SELENOI: variants seen among roughly 807,000 people sequenced by gnomAD.
SELENOI encodes the protein ethanolaminephosphotransferase 1.
In SELENOI, 24 loss-of-function variants were observed where a neutral mutation model predicts 50.7. The observed-to-expected ratio is 0.47, with a 90% confidence interval of 0.34 to 0.67. The LOEUF is 0.67. SELENOI is among the 30% of genes least tolerant of loss of function. SELENOI has a pLI of 0.01. For missense variants in SELENOI, 352 were observed against 461.4 expected (o/e 0.76, Z 2.17); for synonymous variants, 155 against 170.2 (o/e 0.91, Z 0.70).
rs77545588 is a variant in SELENOI, at chr2:26,381,445, C to T, written c.683-1854C>T. Among the ~76,000 whole-genome samples, 785 of 151,992 alleles carry T rather than the reference C, an allele frequency of 5.2e-3. 28 individuals are homozygous for T. In the South Asian group the frequency reaches 0.08, roughly 15 times the overall value. ...TATAAAGAAGAAACAGAAGATGCAG[C>T]GTTTCTCTTTGGCAGCCTGTATAGA... On this transcript the variant is annotated intron_variant, in intron 6 of 9. Transcript: ENST00000260585.
At chr2:26,374,972 A>G in intron 5 of SELENOI, 68 bp from the exon 6 acceptor site, 1 of 1,066,542 alleles carries the variant, frequency 9.4e-7, no homozygotes, top group Non-Finnish European at 1.4e-6. Context: ...TGCTGCATAA[A>G]GCATGGTGAC....
chr2:26,385,672 A>C (rs1558422617), intron 8 of SELENOI, among the ~76,000 whole-genome samples: 1 of 152,226 alleles, frequency 6.6e-6, no homozygotes, highest in Non-Finnish European at 1.5e-5. Flanking sequence ...AGTTGAGAAA[A>C]GACTCTGATA....
At chr2:26,358,685 T>C (rs916404968) in intron 1 of SELENOI, among the ~76,000 whole-genome samples, 9 of 152,266 alleles carry the variant, frequency 5.9e-5, no homozygotes, top group South Asian at 2.1e-4. Context: ...TCAGAAGAAA[T>C]CTGGAGAGGG....
intron 4 of SELENOI, among the ~76,000 whole-genome samples, chr2:26,368,506 G>A (rs77153816): frequency 0.027 from 4,168 of 152,208 alleles, 154 homozygotes; most frequent in African/African-American, 0.087. Context: ...AGTCTTGAAC[G>A]AACATGAAGC....
intron 1 of SELENOI, among the ~76,000 whole-genome samples, chr2:26,358,737 T>C (rs1224624865): frequency 6.6e-6 from 1 of 152,208 alleles, no homozygotes. Context: ...GTTAAAACTT[T>C]AGATGCAGTA....
chr2:26,371,617 G>C (rs1481368938), intron 4 of SELENOI, among the ~76,000 whole-genome samples: 1 of 152,232 alleles, frequency 6.6e-6, no homozygotes, highest in African/African-American at 2.4e-5. Context: ...CCGGCACCTC[G>C]GGAGGCCGAG....
intron 6 of SELENOI, among the ~76,000 whole-genome samples, chr2:26,381,107 G>A (rs2147960439): frequency 7.1e-6 from 1 of 141,558 alleles, no homozygotes; most frequent in Middle Eastern, 4.0e-3. Flanking sequence ...TAACTGAAGT[G>A]TACCTACTTA....
At chr2:26,355,028 C>T (rs910062403) in intron 1 of SELENOI, among the ~76,000 whole-genome samples, 2 of 152,172 alleles carry the variant, frequency 1.3e-5, no homozygotes, top group Non-Finnish European at 2.9e-5. Flanking sequence ...TTAATCTAAC[C>T]AGGTTTCCTC....
intron 3 of SELENOI, among the ~76,000 whole-genome samples, chr2:26,366,157 T>A (rs1677283041): frequency 6.6e-6 from 1 of 152,188 alleles, no homozygotes; most frequent in African/African-American, 2.4e-5. Flanking sequence ...TGCTGAACTT[T>A]ACTGAAACTT....
At position 26,392,155 on chromosome 2, in the gene SELENOI, A is replaced by T. The variant is rs1274562789; in HGVS notation, c.*3052A>T. On this transcript the variant is annotated 3_prime_UTR_variant, in exon 10 of 10. Coordinates refer to ENST00000260585, the MANE Select transcript of SELENOI (RefSeq NM_033505.4). Reference sequence around the variant, plus strand: ...GGAGTGTATGTCTAGAGTTACCCCAATTCTAAATAGGTACCAAAAGAGTAT... The same window carrying T: ...GGAGTGTATGTCTAGAGTTACCCCATTTCTAAATAGGTACCAAAAGAGTAT... 6.6e-6 allele frequency: 1 copy of T among 152,170 alleles called. No homozygotes were observed. Among genetic ancestry groups the T allele is most frequent in the Non-Finnish European group, 1.5e-5 (1 of 68,030 alleles). 9.4% of individuals were successfully genotyped at this position (152,170 alleles called of 1,614,324 possible). A position where few individuals can be genotyped will look rare whatever the true frequency, so the allele number is the denominator to read the frequency against.
At chr2:26,357,068 T>C (rs541373829) in intron 1 of SELENOI, among the ~76,000 whole-genome samples, 3 of 146,492 alleles carry the variant, frequency 2.0e-5, no homozygotes, top group African/African-American at 8.3e-5. Context: ...GTGTATAATT[T>C]ACTGCTTTAT....
intron 1 of SELENOI, among the ~76,000 whole-genome samples, chr2:26,347,298 A>G (rs1676811476): frequency 1.3e-5 from 2 of 152,200 alleles, no homozygotes; most frequent in Admixed American, 1.3e-4. Flanking sequence ...TTAGAATATA[A>G]TGCCCAACTC....
chr2:26,388,090 A>T (rs1458217148), intron 9 of SELENOI, among the ~76,000 whole-genome samples: 1 of 152,212 alleles, frequency 6.6e-6, no homozygotes, highest in Non-Finnish European at 1.5e-5. Context: ...GCTGTGATGA[A>T]TTGTGATATA....
At chr2:26,361,937 C>T (rs1188687764) in intron 1 of SELENOI, among the ~76,000 whole-genome samples, 3 of 152,108 alleles carry the variant, frequency 2.0e-5, no homozygotes, top group South Asian at 2.1e-4. Flanking sequence ...GAATTATAGG[C>T]GTGAGCCACG....
chr2:26,358,470 C>T (rs1677109523), intron 1 of SELENOI, among the ~76,000 whole-genome samples: 1 of 152,188 alleles, frequency 6.6e-6, no homozygotes, highest in African/African-American at 2.4e-5. Flanking sequence ...TTCCCCCACC[C>T]CACCTCAGCC....
At chr2:26,364,683 G>T in intron 2 of SELENOI, 149 bp from the exon 3 acceptor site, 1 of 590,484 alleles carries the variant, frequency 1.7e-6, no homozygotes, top group African/African-American at 1.9e-5. Context: ...TGCTGATGGA[G>T]ATTATCGTTT....
intron 1 of SELENOI, among the ~76,000 whole-genome samples, chr2:26,354,104 T>C (rs998649706): frequency 1.3e-5 from 2 of 152,170 alleles, no homozygotes; most frequent in Non-Finnish European, 2.9e-5. Flanking sequence ...CATTTATATA[T>C]TGTATACTCT....
chr2:26,362,298 T>C (rs1357982527), intron 1 of SELENOI, among the ~76,000 whole-genome samples: 1 of 152,130 alleles, frequency 6.6e-6, no homozygotes, highest in Non-Finnish European at 1.5e-5. Context: ...CTCGATCTCC[T>C]GACCTCGTGA....
chr2:26,380,579 T>G (rs72852737), intron 6 of SELENOI, among the ~76,000 whole-genome samples: 170 of 152,340 alleles, frequency 1.1e-3, no homozygotes, highest in African/African-American at 3.9e-3. Flanking sequence ...TACAAATTGC[T>G]GCAGTGAATA....
Sources: gnomAD v4.1 joint callset for allele counts (sites outside exome capture counted in the v4.1 genomes callset) on GRCh38, gnomAD v4.1.1 for gene constraint, MANE v1.5 for transcripts, NCBI Gene and HGNC (gene_info 2026-07-23, HGNC 2026-07-21) for gene names.